YAF2: variants seen among roughly 807,000 people sequenced by gnomAD.
YAF2 encodes the protein YY1-associated factor 2.
Under a neutral mutation model 20.1 loss-of-function variants are expected in YAF2, and 7 were observed. The ratio of observed to expected loss-of-function variants is 0.35; its 90% CI spans 0.20 to 0.65. The LOEUF (loss-of-function observed/expected upper bound fraction) is 0.65. Ranked by LOEUF, YAF2 falls within the 30% of genes least tolerant of loss-of-function variation. YAF2 has a pLI of 0.69. For missense variants in YAF2, 151 were observed against 219.2 expected, an observed-to-expected ratio of 0.69 and a Z score of 1.96; for synonymous variants, 74 against 76.0, an observed-to-expected ratio of 0.97 and a Z score of 0.14.
intron 2 of YAF2, among the ~76,000 whole-genome samples, chr12:42,163,725 T>C (rs775538720): frequency 1.3e-5 from 2 of 152,204 alleles, no homozygotes; most frequent in Non-Finnish European, 2.9e-5. Flanking sequence ...AAAACATAAA[T>C]GTATATAGTT....
chr12:42,218,119 C>T (rs1388608971), intron 2 of YAF2, among the ~76,000 whole-genome samples: 3 of 150,904 alleles, frequency 2.0e-5, no homozygotes, highest in Non-Finnish European at 3.0e-5. Flanking sequence ...AGAGTACTTT[C>T]TAGACGTTAG....
At chr12:42,207,703 T>G (rs546043272) in intron 2 of YAF2, among the ~76,000 whole-genome samples, 10 of 151,732 alleles carry the variant, frequency 6.6e-5, no homozygotes, top group Admixed American at 3.9e-4. Context: ...CCATCCTGGC[T>G]AACACGGTGA....
At chr12:42,220,898 A>G (rs2067492988) in intron 2 of YAF2, among the ~76,000 whole-genome samples, 1 of 152,226 alleles carries the variant, frequency 6.6e-6, no homozygotes, top group South Asian at 2.1e-4. Context: ...TAATATTTGT[A>G]TCACAAATAA....
intron 2 of YAF2, among the ~76,000 whole-genome samples, chr12:42,174,142 C>G (rs1592168796): frequency 6.6e-6 from 1 of 151,736 alleles, no homozygotes; most frequent in Admixed American, 6.6e-5. Flanking sequence ...ACATCCCTGT[C>G]TAGCCACTGC....
intron 2 of YAF2, chr12:42,233,209 C>G (rs1382766787): frequency 5.1e-6 from 5 of 985,160 alleles, no homozygotes; most frequent in African/African-American, 1.7e-5. Flanking sequence ...TTTTATAGCT[C>G]TCTAAAATAA....
chr12:42,204,508 T>G lies in YAF2; in HGVS notation c.152+33091A>C, dbSNP rs375707440. Among the ~76,000 whole-genome samples the G allele has an allele frequency of 7.2e-5, 11 of 152,352 alleles. No individual in the cohort carries two copies. In the South Asian group the frequency reaches 1.7e-3, roughly 23 times the overall value. ...TATTAAAAGTAATCTAGAGATCATG[T>G]AATGCATATGGGAGAATATGCATAG... On this transcript the variant is annotated intron_variant, in intron 2 of 3. Transcript: ENST00000534854.
At chr12:42,224,553 G>A (rs757585643) in intron 2 of YAF2, among the ~76,000 whole-genome samples, 26 of 147,912 alleles carry the variant, frequency 1.8e-4, no homozygotes, top group Non-Finnish European at 1.9e-4. Flanking sequence ...ACAGGCCCCC[G>A]TGTGTGATGT....
At chr12:42,235,939 C>T in intron 2 of YAF2, 1 of 1,536,090 alleles carries the variant, frequency 6.5e-7, no homozygotes, top group Non-Finnish European at 8.7e-7. Flanking sequence ...CTCAGGGTTC[C>T]TCTAACCCCA....
chr12:42,222,997 T>A (rs967912999), intron 2 of YAF2, among the ~76,000 whole-genome samples: 1 of 151,808 alleles, frequency 6.6e-6, no homozygotes, highest in Non-Finnish European at 1.5e-5. Flanking sequence ...TAAAAAGCTG[T>A]GTCTTTCATT....
chr12:42,182,470 A>G (rs1239839335), intron 2 of YAF2, among the ~76,000 whole-genome samples: 1 of 152,240 alleles, frequency 6.6e-6, no homozygotes, highest in Non-Finnish European at 1.5e-5. Context: ...ATCAAAACTG[A>G]AAGAAAAGTT....
At chr12:42,210,112 T>C (rs562959982) in intron 2 of YAF2, among the ~76,000 whole-genome samples, 1 of 152,304 alleles carries the variant, frequency 6.6e-6, no homozygotes, top group South Asian at 2.1e-4. Flanking sequence ...AAATGTATAA[T>C]TTTTTAGAAG....
At position 42,199,272 on chromosome 12, in the gene YAF2, T is replaced by C. The variant is rs999771302; in HGVS notation, c.153-37507A>G. The stretch of plus-strand genomic sequence containing the variant: ...GTTACAGAGTAAGAAAGAAACACTA[T>C]GTACACATGGAACAGAATTTGACCA... On this transcript the variant is annotated intron_variant, in intron 2 of 3. Transcript: ENST00000534854. 1.0e-5 allele frequency: 12 copies of C among 1,160,238 alleles called. No individual in the cohort carries two copies. The Admixed American group carries it at 1.8e-4, about 17-fold the overall frequency. 71.9% of individuals were successfully genotyped at this position (1,160,238 alleles called of 1,614,324 possible).
At chr12:42,174,788 T>G (rs1224598425) in intron 2 of YAF2, among the ~76,000 whole-genome samples, 1 of 152,196 alleles carries the variant, frequency 6.6e-6, no homozygotes, top group Non-Finnish European at 1.5e-5. Context: ...AAAATATGAC[T>G]AGAAAGCAAA....
intron 2 of YAF2, among the ~76,000 whole-genome samples, chr12:42,211,807 G>A (rs1039057052): frequency 1.3e-5 from 2 of 151,070 alleles, no homozygotes; most frequent in Non-Finnish European, 2.9e-5. Context: ...CCAGCACTTT[G>A]GGAGGCCGAG....
At chr12:42,222,328 A>C (rs1017593830) in intron 2 of YAF2, among the ~76,000 whole-genome samples, 2 of 152,226 alleles carry the variant, frequency 1.3e-5, no homozygotes, top group African/African-American at 4.8e-5. Context: ...ACCTTGAAGG[A>C]AAGAGAAATA....
chr12:42,181,310 C>T (rs1258501120), intron 2 of YAF2, among the ~76,000 whole-genome samples: 2 of 152,230 alleles, frequency 1.3e-5, no homozygotes, highest in Non-Finnish European at 2.9e-5. Flanking sequence ...TCTTTCCTTA[C>T]TACTTCTCCT....
chr12:42,183,798 T>G (rs1031095068), intron 2 of YAF2, among the ~76,000 whole-genome samples: 1 of 152,198 alleles, frequency 6.6e-6, no homozygotes, highest in South Asian at 2.1e-4. Context: ...CAAAAAAGCA[T>G]TATTGAAAGA....
chr12:42,206,294 A>T (rs1248577733), intron 2 of YAF2, among the ~76,000 whole-genome samples: 1 of 94,190 alleles, frequency 1.1e-5, no homozygotes, highest in Non-Finnish European at 1.9e-5. Flanking sequence ...ATATGCTCTT[A>T]GTTAAAAAAA....
chr12:42,220,572 G>A (rs936893772), intron 2 of YAF2, among the ~76,000 whole-genome samples: 6 of 152,126 alleles, frequency 3.9e-5, no homozygotes, highest in African/African-American at 1.2e-4. Flanking sequence ...GGAACAAAGA[G>A]GAAAGAAGAC....
Sources: allele counts gnomAD v4.1 joint callset (sites outside exome capture counted in the v4.1 genomes callset), GRCh38; gene constraint gnomAD v4.1.1; transcripts MANE v1.5; gene names NCBI Gene and HGNC (gene_info 2026-07-23, HGNC 2026-07-21).